ARL15: variants seen among roughly 807,000 people sequenced by gnomAD.
The protein encoded by ARL15 is ARF like GTPase 15.
Under a neutral mutation model 25.2 loss-of-function variants are expected in ARL15, and 19 were observed. The observed-to-expected ratio is 0.75, with a 90% CI of 0.53 to 1.10. ARL15 has a LOEUF of 1.10. Ranked by LOEUF, ARL15 falls within the 50% of genes least tolerant of loss-of-function variation. ARL15 has a pLI of 0.00. For missense variants in ARL15, 220 were observed against 246.0 expected, an observed-to-expected ratio of 0.89 and a Z score of 0.71; for synonymous variants, 94 against 86.8, an observed-to-expected ratio of 1.08 and a Z score of -0.46.
intron 4 of ARL15, among the ~76,000 whole-genome samples, chr5:54,107,691 T>C (rs1752630942): frequency 6.6e-6 from 1 of 152,058 alleles, no homozygotes; most frequent in African/African-American, 2.4e-5. Context: ...TTACATAAAA[T>C]GAAGATATGT....
At chr5:54,217,763 A>G (rs1381941602) in intron 1 of ARL15, among the ~76,000 whole-genome samples, 1 of 152,178 alleles carries the variant, frequency 6.6e-6, no homozygotes, top group African/African-American at 2.4e-5. Flanking sequence ...TAAGTGAGAA[A>G]TTATAATCAT....
chr5:53,931,731 CA>C (rs1746200857), intron 4 of ARL15, among the ~76,000 whole-genome samples: 1 of 152,152 alleles, frequency 6.6e-6, no homozygotes, highest in Non-Finnish European at 1.5e-5. Context: ...CAACTAAAAC[CA>C]AACACAATGA....
At position 54,087,618 on chromosome 5, in the gene ARL15, G is replaced by A. The variant is rs115353815; in HGVS notation, c.462+25584C>T. On this transcript the variant is annotated intron_variant, in intron 4 of 4. Transcript: ENST00000504924. Reference sequence around the variant, plus strand: ...TTCCACTCTTTTAAAATATAAACATGTGACTGTTAAAATATAAACATGTGA... The same window carrying A: ...TTCCACTCTTTTAAAATATAAACATATGACTGTTAAAATATAAACATGTGA... Among the ~76,000 whole-genome samples, 986 of 152,220 alleles carry A rather than the reference G, an allele frequency of 6.5e-3. 7 individuals are homozygous for A. The highest frequency in any genetic ancestry group is 0.01 in the Non-Finnish European group (713 of 68,006).
chr5:54,282,532 C>G (rs1340602928), intron 1 of ARL15: 17 of 985,244 alleles, frequency 1.7e-5, no homozygotes, highest in Non-Finnish European at 1.9e-5. Flanking sequence ...GTGGCTTTAT[C>G]TTGGGACTGT....
rs1230450065 is a variant in ARL15, at chr5:54,189,280, A to AT, written c.49-17353dup. Among the ~76,000 whole-genome samples, 4 of 152,236 alleles carry AT rather than the reference A, an allele frequency of 2.6e-5. No homozygotes were observed. In the East Asian group the frequency reaches 7.7e-4, roughly 29 times the overall value. On this transcript the variant is annotated intron_variant, in intron 1 of 4. Transcript: ENST00000504924. ...ATGCAATCCTATCAAAATCTAAATAATTTTTTTATGGAAATAAAAAAGCCC... is the reference window on the plus strand; with the variant it reads ...ATGCAATCCTATCAAAATCTAAATAATTTTTTTTATGGAAATAAAAAAGCCC...
At chr5:54,116,119 G>C (rs1752891617) in intron 3 of ARL15, among the ~76,000 whole-genome samples, 1 of 152,216 alleles carries the variant, frequency 6.6e-6, no homozygotes, top group Admixed American at 6.5e-5. Context: ...AGGGAGCTGA[G>C]CTATTACACC....
At chr5:53,954,776 A>G (rs575508050) in intron 4 of ARL15, among the ~76,000 whole-genome samples, 48 of 152,278 alleles carry the variant, frequency 3.2e-4, no homozygotes, top group African/African-American at 1.2e-3. Context: ...CTAGGACCAC[A>G]CTGCCTCTTT....
chr5:54,163,737 A>C (rs1031393490), intron 2 of ARL15, among the ~76,000 whole-genome samples: 1 of 151,912 alleles, frequency 6.6e-6, no homozygotes, highest in Non-Finnish European at 1.5e-5. Context: ...TATTTATAGA[A>C]TCTATATTGA....
intron 4 of ARL15, among the ~76,000 whole-genome samples, chr5:54,003,662 TTCTATCTATCTATCTA>T (rs34463762): frequency 0.025 from 3,429 of 138,386 alleles, 101 homozygotes; most frequent in African/African-American, 0.078. Flanking sequence ...AATATTTTCT[TTCTATCTATCTATCTA>T]TCTATCTATC....
intron 4 of ARL15, among the ~76,000 whole-genome samples, chr5:53,921,650 T>C (rs1745864192): frequency 6.6e-6 from 1 of 152,188 alleles, no homozygotes; most frequent in Non-Finnish European, 1.5e-5. Flanking sequence ...AGTGCGCCAG[T>C]AGTCCCAGCT....
At chr5:54,017,265 G>A (rs78867256) in intron 4 of ARL15, among the ~76,000 whole-genome samples, 1,846 of 152,230 alleles carry the variant, frequency 0.012, 43 homozygotes, top group African/African-American at 0.042. Context: ...ATGCAAACAT[G>A]TGCACCCTGG....
At chr5:54,166,582 T>G (rs1754575177) in intron 2 of ARL15, among the ~76,000 whole-genome samples, 1 of 152,148 alleles carries the variant, frequency 6.6e-6, no homozygotes, top group Non-Finnish European at 1.5e-5. Context: ...CAACAATGTT[T>G]CAGCCATTAT....
At chr5:54,258,088 G>A (rs1757411306) in intron 1 of ARL15, among the ~76,000 whole-genome samples, 2 of 151,750 alleles carry the variant, frequency 1.3e-5, no homozygotes, top group African/African-American at 4.8e-5. Context: ...CAGCACTGAG[G>A]GAGGCCGAGA....
chr5:53,934,956 A>G (rs1004862920), intron 4 of ARL15, among the ~76,000 whole-genome samples: 5 of 152,230 alleles, frequency 3.3e-5, no homozygotes, highest in African/African-American at 1.2e-4. Flanking sequence ...CTAATTATGC[A>G]GAAAAGCATT....
chr5:54,099,365 A>C (rs367601944), intron 4 of ARL15, among the ~76,000 whole-genome samples: 3 of 152,264 alleles, frequency 2.0e-5, no homozygotes, highest in East Asian at 1.9e-4. Context: ...ACTAGAGAGA[A>C]AAGTACATTT....
chr5:54,150,035 T>C (rs1035509152), intron 3 of ARL15, among the ~76,000 whole-genome samples: 7 of 152,152 alleles, frequency 4.6e-5, no homozygotes, highest in South Asian at 2.1e-4. Flanking sequence ...TGGATATCTG[T>C]TCTAGGCCTA....
At chr5:54,270,717 C>A (rs551224516) in intron 1 of ARL15, among the ~76,000 whole-genome samples, 1 of 152,320 alleles carries the variant, frequency 6.6e-6, no homozygotes, top group East Asian at 1.9e-4. Context: ...CCTCCTGTGG[C>A]CTGCTCTTCT....
intron 4 of ARL15, among the ~76,000 whole-genome samples, chr5:53,907,485 TA>T (rs1458597836): frequency 0.012 from 373 of 32,390 alleles, 6 homozygotes; most frequent in East Asian, 0.036. Flanking sequence ...TATATATATA[TA>T]TATTTTTTTT....
At chr5:54,061,377 A>G (rs761733892) in intron 4 of ARL15, among the ~76,000 whole-genome samples, 86 of 152,164 alleles carry the variant, frequency 5.7e-4, no homozygotes, top group Non-Finnish European at 1.1e-3. Context: ...TGGGAAGCTG[A>G]GGTGGGTGGA....
Sources: allele counts gnomAD v4.1 joint callset (sites outside exome capture counted in the v4.1 genomes callset), GRCh38; gene constraint gnomAD v4.1.1; transcripts MANE v1.5; gene names NCBI Gene and HGNC (gene_info 2026-07-23, HGNC 2026-07-21).